The following SLC25A29 variants were observed in gnomAD, a reference collection of about 807,000 sequenced individuals.
SLC25A29 encodes the protein mitochondrial basic amino acids transporter.
Under a neutral mutation model 10.0 loss-of-function variants are expected in SLC25A29, and 13 were observed. The ratio of observed to expected loss-of-function variants is 1.30; its 90% CI spans 0.85 to 2.07. SLC25A29 has a LOEUF of 2.07. SLC25A29 is among the 30% of genes most tolerant of loss of function. SLC25A29 has a pLI of 0.00. For missense variants in SLC25A29, 475 were observed against 447.6 expected, an observed-to-expected ratio of 1.06 and a Z score of -0.55; for synonymous variants, 244 against 221.1, an observed-to-expected ratio of 1.10 and a Z score of -0.92.
intron 2 of SLC25A29, chr14:100,296,230 C>G: frequency 2.9e-6 from 1 of 347,180 alleles, no homozygotes; most frequent in Non-Finnish European, 5.7e-6. Flanking sequence ...TTGAGACCAG[C>G]TGGGCAACAT....
At chr14:100,284,703 C>T in the SLC25A29 span, among the ~76,000 whole-genome samples, 2 of 152,210 alleles carry the variant, frequency 1.3e-5, no homozygotes, top group Non-Finnish European at 2.9e-5. Flanking sequence ...GCCCTACTGG[C>T]ACTGGCATGA....
At chr14:100,299,022 T>A (rs1892364191) in intron 1 of SLC25A29, 137 bp from the exon 2 acceptor site, 1 of 1,473,644 alleles carries the variant, frequency 6.8e-7, no homozygotes, top group African/African-American at 1.4e-5. Context: ...CACCTGTGGG[T>A]GCAGCAGGCA....
chr14:100,292,772 G>T lies in SLC25A29; in HGVS notation c.423C>A (p.Ile141=). The change falls in exon 4 of 4, where the codon ATC becomes ATA. Residue 141 remains isoleucine (I), a synonymous_variant. Transcript: ENST00000359232. ...CGCCACGCAGACCCTCGTGCCCGTA[G>T]ATCTGCGCGAGGCAGTCCAGCGAGC... is the stretch of plus-strand genomic sequence containing the variant. The part of the protein sequence containing the change: ...YKGSLDCLAQ[I]YGHEGLRGVN... 6.2e-7 allele frequency: 1 copy of T among 1,600,010 alleles called. No homozygotes were observed. Among genetic ancestry groups the T allele is most frequent in the Non-Finnish European group, 8.5e-7 (1 of 1,174,826 alleles).
chr14:100,290,154 T>G (rs944073999), downstream of SLC25A29, among the ~76,000 whole-genome samples: 21 of 151,982 alleles, frequency 1.4e-4, no homozygotes, highest in Non-Finnish European at 2.8e-4. Flanking sequence ...TTCTAGAGAG[T>G]GCAGATGTGT....
intron 2 of SLC25A29, chr14:100,295,239 G>A (rs760071008): frequency 2.3e-4 from 45 of 193,680 alleles, no homozygotes; most frequent in South Asian, 1.1e-3. Flanking sequence ...AGTCTGTGAC[G>A]AGCCCTTGCT....
Position 100,292,236 on chromosome 14 carries a change from C to G in SLC25A29, c.*47G>C. ...AATCGACTCAGGGGCCAATTTATGTCCCAGGTTTCTGAGAAGGAGCCCTGG... is the reference window on the plus strand; with the variant it reads ...AATCGACTCAGGGGCCAATTTATGTGCCAGGTTTCTGAGAAGGAGCCCTGG... On this transcript the variant is annotated 3_prime_UTR_variant, in exon 4 of 4. Coordinates refer to ENST00000359232, the MANE Select transcript of SLC25A29 (RefSeq NM_001039355.3). The G allele has an allele frequency of 6.5e-7, 1 of 1,527,842 alleles. No homozygotes were observed. The highest frequency in any genetic ancestry group is 8.8e-7 in the Non-Finnish European group (1 of 1,139,182). 94.6% of individuals were successfully genotyped at this position (1,527,842 alleles called of 1,614,324 possible).
intron 3 of SLC25A29, 25 bp from the exon 4 acceptor site, chr14:100,293,057 A>T: frequency 1.3e-6 from 2 of 1,506,048 alleles, no homozygotes; most frequent in Non-Finnish European, 1.8e-6. Flanking sequence ...ACGCCATCAG[A>T]GCCGGCAACG....
At chr14:100,304,032 A>C (rs1275193692) in intron 1 of SLC25A29, among the ~76,000 whole-genome samples, 1 of 152,134 alleles carries the variant, frequency 6.6e-6, no homozygotes, top group Non-Finnish European at 1.5e-5. Flanking sequence ...GGCCTCAAGG[A>C]TGCTGTCAGT....
At chr14:100,295,760 A>G (rs1485295100) in intron 2 of SLC25A29, 2 of 1,289,246 alleles carry the variant, frequency 1.6e-6, no homozygotes, top group Middle Eastern at 2.1e-4. Flanking sequence ...CCAGGCGCGG[A>G]GCCCCCACAG....
downstream of SLC25A29, among the ~76,000 whole-genome samples, chr14:100,286,474 G>C (rs1011089503): frequency 7.0e-6 from 1 of 142,152 alleles, no homozygotes; most frequent in African/African-American, 2.6e-5. Flanking sequence ...CATGGCTGGG[G>C]GGGGGGGTGT....
downstream of SLC25A29, among the ~76,000 whole-genome samples, chr14:100,286,654 C>T (rs765923230): frequency 7.2e-5 from 11 of 152,222 alleles, no homozygotes; most frequent in African/African-American, 2.7e-4. Context: ...CTGGCCCCAC[C>T]GCCTTTCCCA....
chr14:100,298,948 C>T, intron 1 of SLC25A29, 63 bp from the exon 2 acceptor site: 1 of 1,593,616 alleles, frequency 6.3e-7, no homozygotes, highest in Admixed American at 1.7e-5. Context: ...GGGTGCTGGG[C>T]AGGAGGGGGT....
chr14:100,287,826 TGGC>T (rs1891575774), downstream of SLC25A29, among the ~76,000 whole-genome samples: 1 of 152,148 alleles, frequency 6.6e-6, no homozygotes, highest in African/African-American at 2.4e-5. Flanking sequence ...CAGCTCTGCA[TGGC>T]GGCTGGTGGT....
intron 1 of SLC25A29, among the ~76,000 whole-genome samples, chr14:100,301,527 TTTTA>T (rs1247701101): frequency 4.0e-5 from 6 of 151,708 alleles, no homozygotes; most frequent in South Asian, 4.2e-4. Flanking sequence ...TGCTTTTTAT[TTTTA>T]TTTATTTATT....
intron 1 of SLC25A29, among the ~76,000 whole-genome samples, chr14:100,304,135 A>G (rs1375491466): frequency 6.6e-6 from 1 of 152,156 alleles, no homozygotes; most frequent in Non-Finnish European, 1.5e-5. Flanking sequence ...CCCAGCCACC[A>G]AGGAGAAGCA....
downstream of SLC25A29, chr14:100,291,018 C>G (rs1891656002): frequency 6.6e-6 from 1 of 152,308 alleles, no homozygotes; most frequent in African/African-American, 2.4e-5. Context: ...TGTCAGGGTC[C>G]AAGGGCACAC....
intron 1 of SLC25A29, among the ~76,000 whole-genome samples, chr14:100,302,637 A>C (rs1403727380): frequency 6.6e-6 from 1 of 152,272 alleles, no homozygotes; most frequent in African/African-American, 2.4e-5. Flanking sequence ...TTACAGGTGT[A>C]AGCCACTGAG....
intron 1 of SLC25A29, chr14:100,304,930 C>A (rs1359854685): frequency 6.6e-6 from 1 of 152,218 alleles, no homozygotes; most frequent in African/African-American, 2.4e-5. Flanking sequence ...GCCCTTCACC[C>A]CCACCCGCTG....
chr14:100,305,765 C>T lies in SLC25A29; in HGVS notation c.34+434G>A, dbSNP rs7149830. 4.8e-3 allele frequency: 794 copies of T among 164,126 alleles called. 8 individuals are homozygous for T. The highest frequency in any genetic ancestry group is 0.018 in the African/African-American group (741 of 42,112). 10.2% of individuals were successfully genotyped at this position (164,126 alleles called of 1,614,324 possible). On this transcript the variant is annotated intron_variant, in intron 1 of 3. Coordinates refer to ENST00000359232, the MANE Select transcript of SLC25A29 (RefSeq NM_001039355.3). ...AGGGGGTCGGCTCCGTAGCCCCAAC[C>T]CCGCTGGATGGCTGCGCGGGACGGG...
Sources: gnomAD v4.1 joint callset for allele counts (sites outside exome capture counted in the v4.1 genomes callset) on GRCh38, gnomAD v4.1.1 for gene constraint, MANE v1.5 for transcripts, NCBI Gene and HGNC (gene_info 2026-07-23, HGNC 2026-07-21) for gene names.